Variants in TEX9 observed in about 807,000 individuals in gnomAD.
TEX9 encodes the protein testis expressed 9.
In TEX9, 74 loss-of-function variants were observed where a neutral mutation model predicts 59.6. The observed-to-expected ratio is 1.24, with a 90% CI of 1.03 to 1.51. TEX9 has a LOEUF of 1.51. Among genes scored for constraint, TEX9 ranks in the 40% most tolerant of loss-of-function variants. The pLI is 0.00. For synonymous variants in TEX9, 186 were observed against 152.2 expected, an observed-to-expected ratio of 1.22 and a Z score of -1.64; for missense variants, 522 against 447.8, an observed-to-expected ratio of 1.17 and a Z score of -1.49.
intron 1 of TEX9, among the ~76,000 whole-genome samples, chr15:56,311,272 T>G (rs1327688561): frequency 8.5e-6 from 1 of 117,292 alleles, no homozygotes; most frequent in African/African-American, 3.2e-5. Context: ...TAGGTATATC[T>G]CCCAATGCTA....
chr15:56,419,589 G>C (rs1281616946), intron 10 of TEX9, among the ~76,000 whole-genome samples: 2 of 151,692 alleles, frequency 1.3e-5, no homozygotes, highest in Non-Finnish European at 2.9e-5. Flanking sequence ...TATTGCACTT[G>C]GTGATGGTGT....
chr15:56,351,910 T>G (rs1054372596), intron 1 of TEX9, among the ~76,000 whole-genome samples: 14 of 152,216 alleles, frequency 9.2e-5, no homozygotes, highest in Middle Eastern at 3.2e-3. Context: ...TTTATTTTGG[T>G]TTCTTTATTT....
At chr15:56,277,661 G>A (rs540838307) in intron 1 of TEX9, among the ~76,000 whole-genome samples, 4 of 152,100 alleles carry the variant, frequency 2.6e-5, no homozygotes, top group Non-Finnish European at 5.9e-5. Context: ...GGCTTTTTTG[G>A]TTCCATATGA....
intron 1 of TEX9, among the ~76,000 whole-genome samples, chr15:56,321,324 A>G (rs1484480821): frequency 1.3e-5 from 2 of 152,208 alleles, no homozygotes; most frequent in Non-Finnish European, 2.9e-5. Context: ...GTTAAGAAGC[A>G]ACTGGTTCCT....
At chr15:56,288,234 A>G (rs1159412121) in intron 1 of TEX9, among the ~76,000 whole-genome samples, 1 of 151,960 alleles carries the variant, frequency 6.6e-6, no homozygotes, top group Non-Finnish European at 1.5e-5. Context: ...GTGTGAGGTG[A>G]TACCTCATTG....
At chr15:56,330,096 C>T (rs2682023) in intron 1 of TEX9, among the ~76,000 whole-genome samples, 3 of 151,480 alleles carry the variant, frequency 2.0e-5, no homozygotes, top group African/African-American at 7.3e-5. Context: ...TCCATGGAAA[C>T]CTTATGGGCC....
At chr15:56,438,024 A>G (rs1443478027) in intron 12 of TEX9, among the ~76,000 whole-genome samples, 1 of 152,240 alleles carries the variant, frequency 6.6e-6, no homozygotes, top group Non-Finnish European at 1.5e-5. Context: ...CAATATCGTG[A>G]AAATGGCCAT....
At chr15:56,422,029 G>C (rs1371610342) in intron 10 of TEX9, among the ~76,000 whole-genome samples, 4 of 145,264 alleles carry the variant, frequency 2.8e-5, no homozygotes, top group Non-Finnish European at 6.0e-5. Flanking sequence ...CTAGATCCCT[G>C]AGGAATCGCC....
intron 1 of TEX9, among the ~76,000 whole-genome samples, chr15:56,332,072 G>A (rs1490769125): frequency 7.7e-6 from 1 of 130,416 alleles, no homozygotes; most frequent in African/African-American, 2.9e-5. Flanking sequence ...CGATTCCTCA[G>A]GGATCTAGAA....
rs547773434 is a variant in TEX9, at chr15:56,431,443, G to A, written c.*29+2970G>A. 1.2e-5 allele frequency: 19 copies of A among 1,613,414 alleles called. No individual in the cohort carries two copies. The South Asian group carries it at 1.9e-4, about 16-fold the overall frequency. Reference sequence around the variant, plus strand: ...TTTTAGCCTTTCTTCTTCAATAATTGCATTAATAAATCCTTGCCGCCTTTG... The same window carrying A: ...TTTTAGCCTTTCTTCTTCAATAATTACATTAATAAATCCTTGCCGCCTTTG... On this transcript the variant is annotated intron_variant, in intron 12 of 12. Transcript: ENST00000352903.
chr15:56,249,124 A>C (rs1222478190), intron 1 of TEX9: 1 of 152,220 alleles, frequency 6.6e-6, no homozygotes, highest in Non-Finnish European at 1.5e-5. Flanking sequence ...CACAAAAAAC[A>C]AACAAAAGGT....
the TEX9 span, among the ~76,000 whole-genome samples, chr15:56,452,662 G>C: frequency 6.6e-6 from 1 of 151,938 alleles, no homozygotes; most frequent in Non-Finnish European, 1.5e-5. Context: ...GGGACTACAG[G>C]CGTGTGCCAC....
At chr15:56,354,400 C>A (rs967802601) in intron 1 of TEX9, among the ~76,000 whole-genome samples, 4 of 152,102 alleles carry the variant, frequency 2.6e-5, no homozygotes, top group African/African-American at 9.7e-5. Flanking sequence ...CACTAGGTTT[C>A]TAGAGCCCTT....
At chr15:56,332,666 T>C (rs1031239281) in intron 1 of TEX9, among the ~76,000 whole-genome samples, 3 of 142,306 alleles carry the variant, frequency 2.1e-5, no homozygotes, top group Non-Finnish European at 3.1e-5. Flanking sequence ...ACAATATAAG[T>C]AGAAGAAAAG....
intron 1 of TEX9, among the ~76,000 whole-genome samples, chr15:56,279,524 G>T (rs1382735888): frequency 6.6e-6 from 1 of 152,162 alleles, no homozygotes; most frequent in Non-Finnish European, 1.5e-5. Flanking sequence ...AATAGATAGT[G>T]TTTAATGTCC....
At chr15:56,414,666 A>G (rs2049582182) in intron 10 of TEX9, among the ~76,000 whole-genome samples, 1 of 151,726 alleles carries the variant, frequency 6.6e-6, no homozygotes. Context: ...AGTTGATTCC[A>G]TGTCCTTGCT....
At chr15:56,433,333 C>G (rs543708555) in intron 12 of TEX9, among the ~76,000 whole-genome samples, 1 of 151,790 alleles carries the variant, frequency 6.6e-6, no homozygotes, top group Non-Finnish European at 1.5e-5. Flanking sequence ...ACCTAGATGA[C>G]GGGTTGATAG....
In TEX9 at chr15:56,424,892, TG is replaced by T. The variant is rs2050167947; in HGVS notation, c.964-2712del. Among the ~76,000 whole-genome samples the T allele has an allele frequency of 3.3e-5, 5 of 152,222 alleles. No individual in the cohort carries two copies. In the South Asian group the frequency reaches 1.0e-3, roughly 32 times the overall value. ...TTTGAATTATTGTCTAGTATCCTTT[TG>T]TTTCAACTTGAAGGATTTTCTTTAG... On this transcript the variant is annotated intron_variant, in intron 10 of 12. Coordinates refer to ENST00000352903, the Ensembl canonical transcript of TEX9.
At chr15:56,273,864 C>G (rs1475863788) in intron 1 of TEX9, among the ~76,000 whole-genome samples, 1 of 152,106 alleles carries the variant, frequency 6.6e-6, no homozygotes, top group Non-Finnish European at 1.5e-5. Context: ...AAGATTATCC[C>G]TTTATCGTTC....
Sources: gnomAD v4.1 joint callset for allele counts (sites outside exome capture counted in the v4.1 genomes callset) on GRCh38, gnomAD v4.1.1 for gene constraint, MANE v1.5 for transcripts, NCBI Gene and HGNC (gene_info 2026-07-23, HGNC 2026-07-21) for gene names.